Variants in RUNX1T1 observed in about 807,000 individuals in gnomAD.
The protein encoded by RUNX1T1 is protein CBFA2T1.
RUNX1T1 carries 4 observed loss-of-function variants against 62.8 expected under a neutral mutation model. That is an observed-to-expected ratio of 0.06 (90% CI 0.03 to 0.15). The LOEUF is 0.15. RUNX1T1 is among the 10% of genes least tolerant of loss of function. RUNX1T1 has a pLI of 1.00. For synonymous variants in RUNX1T1, 291 were observed against 286.0 expected (o/e 1.02, Z -0.18); for missense variants, 508 against 754.3 (o/e 0.67, Z 3.82).
intron 1 of RUNX1T1, among the ~76,000 whole-genome samples, chr8:92,080,351 C>A (rs1033169191): frequency 5.6e-4 from 85 of 152,324 alleles, no homozygotes; most frequent in African/African-American, 1.9e-3. Context: ...GCTCTGCAAC[C>A]TTTTACCTGC....
chr8:91,960,294 G>A (rs147343453), exon 11 of RUNX1T1: 6 of 1,610,272 alleles, frequency 3.7e-6, no homozygotes, highest in South Asian at 1.1e-5. Context: ...GGTTGACCTC[G>A]GAGTGGCTGC....
intron 1 of RUNX1T1, among the ~76,000 whole-genome samples, chr8:92,081,743 A>G (rs1175653666): frequency 6.6e-6 from 1 of 152,032 alleles, no homozygotes; most frequent in Non-Finnish European, 1.5e-5. Context: ...TCAAGAGGCT[A>G]TAACAACTGT....
intron 1 of RUNX1T1, among the ~76,000 whole-genome samples, chr8:92,032,932 A>T (rs1826531851): frequency 6.6e-6 from 1 of 152,226 alleles, no homozygotes; most frequent in African/African-American, 2.4e-5. Flanking sequence ...GTATTTTTTT[A>T]AATTAAAACA....
intron 1 of RUNX1T1, among the ~76,000 whole-genome samples, chr8:92,080,968 T>C (rs1404099221): frequency 6.6e-6 from 1 of 152,238 alleles, no homozygotes; most frequent in Non-Finnish European, 1.5e-5. Flanking sequence ...AGCTCTTAAA[T>C]ATCTTCTCTG....
Position 91,959,443 on chromosome 8 carries a change from T to TATATATGTGC in RUNX1T1, c.*798_*799insGCACATATAT, listed in dbSNP as rs145584576. The TATATATGTGC allele has an allele frequency of 1.4e-4, 16 of 114,622 alleles. 1 individual carries two copies. The highest frequency in any genetic ancestry group is 1.4e-4 in the Admixed American group (1 of 6,922). The allele number at this position is 114,622 out of a possible 1,614,324, so 7.1% of individuals were successfully genotyped here. A position where few individuals can be genotyped will look rare whatever the true frequency, so the allele number is the denominator to read the frequency against. On this transcript the variant is annotated 3_prime_UTR_variant, in exon 11 of 11. Coordinates refer to ENST00000396218, the Ensembl canonical transcript of RUNX1T1. Reference sequence around the variant, plus strand: ...GTGTGTGTGTGTGTGTGTGTGTGTGTGTGTGTGTGTGTGTGTGTGTGTGTA... The same window carrying TATATATGTGC: ...GTGTGTGTGTGTGTGTGTGTGTGTGTATATATGTGCGTGTGTGTGTGTGTGTGTGTGTGTA...
At chr8:91,985,616 G>A (rs1264923590) in intron 8 of RUNX1T1, among the ~76,000 whole-genome samples, 1 of 151,872 alleles carries the variant, frequency 6.6e-6, no homozygotes, top group African/African-American at 2.4e-5. Context: ...TGGAGGCGGG[G>A]GGTTGAGAAA....
In RUNX1T1 at chr8:92,033,901, G is replaced by A. The variant is rs548489763; in HGVS notation, c.8-16538C>T. Among the ~76,000 whole-genome samples the A allele has an allele frequency of 6.6e-5, 10 of 152,160 alleles. No individual in the cohort carries two copies. The South Asian group carries it at 2.1e-3, about 32-fold the overall frequency. ...GAAGAATTGTTTGAACCTGGGAGGT[G>A]GAGGTTGCAGTGAGCTGAGACTGCA... On this transcript the variant is annotated intron_variant, in intron 1 of 10. Transcript: ENST00000396218.
At chr8:92,055,545 G>A (rs573007849) in intron 1 of RUNX1T1, among the ~76,000 whole-genome samples, 3 of 152,106 alleles carry the variant, frequency 2.0e-5, no homozygotes, top group African/African-American at 7.2e-5. Flanking sequence ...GGATGCAAGC[G>A]ATCCTCTTGC....
At chr8:91,963,461 A>T (rs1275216515) in intron 10 of RUNX1T1, among the ~76,000 whole-genome samples, 1 of 150,116 alleles carries the variant, frequency 6.7e-6, no homozygotes, top group East Asian at 1.9e-4. Context: ...CATTCTTAAA[A>T]GCTCATTAGA....
exon 11 of RUNX1T1, chr8:91,959,791 CCT>C (rs1301867259): frequency 4.0e-6 from 1 of 251,628 alleles, no homozygotes; most frequent in African/African-American, 2.2e-5. Flanking sequence ...TGAGGGTTTT[CCT>C]CTTTTTTTTT....
intron 1 of RUNX1T1, among the ~76,000 whole-genome samples, chr8:92,031,110 G>C (rs1826135061): frequency 6.6e-6 from 1 of 152,092 alleles, no homozygotes; most frequent in Non-Finnish European, 1.5e-5. Context: ...ATCATCCTAA[G>C]ACTTCCTCTG....
intron 1 of RUNX1T1, among the ~76,000 whole-genome samples, chr8:92,082,919 G>T (rs1257175442): frequency 6.6e-6 from 1 of 152,114 alleles, no homozygotes; most frequent in Non-Finnish European, 1.5e-5. Flanking sequence ...GGGAGAGAAG[G>T]AAGAGGGAGA....
intron 1 of RUNX1T1, chr8:92,095,499 G>T (rs901504724): frequency 6.6e-7 from 1 of 1,519,528 alleles, no homozygotes; most frequent in South Asian, 1.2e-5. Context: ...GCGCAGGAGG[G>T]AGAGGAGAGA....
upstream of RUNX1T1, among the ~76,000 whole-genome samples, chr8:92,065,272 G>A (rs944746402): frequency 2.0e-5 from 3 of 152,148 alleles, no homozygotes; most frequent in Admixed American, 6.5e-5. Flanking sequence ...CATGATGAAT[G>A]CATTTATGCA....
chr8:91,958,728 C>CAAAAAAAAAAAAAAAA (rs34044770), downstream of RUNX1T1: 1 of 128,958 alleles, frequency 7.8e-6, no homozygotes, highest in Non-Finnish European at 1.6e-5. Flanking sequence ...AGAATTTGCT[C>CAAAAAAAAAAAAAAAA]AAAAAAAAAA....
intron 1 of RUNX1T1, among the ~76,000 whole-genome samples, chr8:92,031,671 C>T (rs1019991815): frequency 1.3e-5 from 2 of 152,022 alleles, no homozygotes; most frequent in Admixed American, 6.6e-5. Flanking sequence ...AGTTTCACTA[C>T]GTTGCCCAGG....
At chr8:92,028,573 C>T (rs1015520932) in intron 1 of RUNX1T1, among the ~76,000 whole-genome samples, 9 of 152,176 alleles carry the variant, frequency 5.9e-5, no homozygotes, top group Non-Finnish European at 1.5e-5. Context: ...TTCAAATAGG[C>T]TAGTTCCAGG....
At chr8:91,960,916 G>T (rs1409428744) in intron 10 of RUNX1T1, among the ~76,000 whole-genome samples, 1 of 152,146 alleles carries the variant, frequency 6.6e-6, no homozygotes, top group East Asian at 1.9e-4. Flanking sequence ...CTGAGCAGAA[G>T]CTTCTTCCTT....
Position 92,011,094 on chromosome 8 carries a change from A to G in RUNX1T1, c.388-3T>C, listed in dbSNP as rs1177130867. 2 of 1,543,066 alleles carry G rather than the reference A, an allele frequency of 1.3e-6. No homozygotes were observed. Among genetic ancestry groups the G allele is most frequent in the Non-Finnish European group, 9.0e-7 (1 of 1,115,818 alleles). ...TCTTCAATTGTCAAAGTGGAGTTCT[A>G]TGGAAGAAAATATGTAGTATAAATA... On this transcript the variant is annotated splice_polypyrimidine_tract_variant and splice_region_variant and intron_variant, in intron 3 of 10. Coordinates refer to ENST00000396218, the Ensembl canonical transcript of RUNX1T1.
Sources: allele counts gnomAD v4.1 joint callset (sites outside exome capture counted in the v4.1 genomes callset), GRCh38; gene constraint gnomAD v4.1.1; transcripts MANE v1.5; gene names NCBI Gene and HGNC (gene_info 2026-07-23, HGNC 2026-07-21).